Variants in LGR6 observed in about 807,000 individuals in gnomAD.
LGR6 encodes leucine rich repeat containing G protein-coupled receptor 6, also known as leucine-rich repeat-containing G protein-coupled receptor 6.
Under a neutral mutation model 69.4 loss-of-function variants are expected in LGR6, and 45 were observed. The observed-to-expected ratio is 0.65, with a 90% CI of 0.51 to 0.83. The LOEUF (loss-of-function observed/expected upper bound fraction) is 0.83. LGR6 is among the 40% of genes least tolerant of loss of function. The pLI, the probability that LGR6 is intolerant of heterozygous loss-of-function variation, is 0.00. For missense variants in LGR6, 1,108 were observed against 1,246.7 expected (o/e 0.89, Z 1.68); for synonymous variants, 538 against 555.0 (o/e 0.97, Z 0.43).
At chr1:202,273,481 G>A (rs991620837) in intron 4 of LGR6, among the ~76,000 whole-genome samples, 1 of 151,052 alleles carries the variant, frequency 6.6e-6, no homozygotes, top group Non-Finnish European at 1.5e-5. Flanking sequence ...TTTTGAGATG[G>A]AGTTTCGCTC....
intron 4 of LGR6, among the ~76,000 whole-genome samples, chr1:202,246,641 C>T (rs570095362): frequency 1.1e-3 from 160 of 152,002 alleles, no homozygotes; most frequent in South Asian, 1.9e-3. Context: ...ATACATTCTC[C>T]CATTCTGTGC....
At chr1:202,259,424 C>G (rs1202165009) in intron 4 of LGR6, among the ~76,000 whole-genome samples, 3 of 152,160 alleles carry the variant, frequency 2.0e-5, no homozygotes, top group Non-Finnish European at 4.4e-5. Context: ...TCTTTGATAA[C>G]ATTTCTAATT....
chr1:202,282,143 G>T (rs1030102565), intron 6 of LGR6, among the ~76,000 whole-genome samples: 1 of 152,200 alleles, frequency 6.6e-6, no homozygotes, highest in African/African-American at 2.4e-5. Context: ...TGAGGTGTGG[G>T]GGACATGCCC....
intron 1 of LGR6, among the ~76,000 whole-genome samples, chr1:202,208,661 G>A (rs898119411): frequency 3.3e-5 from 5 of 152,078 alleles, no homozygotes; most frequent in African/African-American, 9.6e-5. Flanking sequence ...GCCAGCCCTC[G>A]CCTCGTTGCC....
chr1:202,281,916 C>G (rs1260836790), intron 6 of LGR6, among the ~76,000 whole-genome samples: 1 of 152,222 alleles, frequency 6.6e-6, no homozygotes, highest in South Asian at 2.1e-4. Flanking sequence ...CTGGGGAAAA[C>G]CATTTGGGAA....
In LGR6 at chr1:202,193,914, G is replaced by A. The variant is rs1305169598; in HGVS notation, c.-76G>A. 4.1e-6 allele frequency: 4 copies of A among 977,790 alleles called. No homozygotes were observed. Among genetic ancestry groups the A allele is most frequent in the Non-Finnish European group, 5.3e-6 (4 of 753,086 alleles). 60.6% of individuals were successfully genotyped at this position (977,790 alleles called of 1,614,324 possible). On this transcript the variant is annotated 5_prime_UTR_variant, in exon 1 of 18. Transcript: ENST00000367278. ...ACCGACGGTGCAGCCCGCCGGGACC[G>A]GGAGGAAGCAGCTGCGGCCATCGCG...
chr1:202,225,806 A>G (rs1660503749), intron 2 of LGR6, among the ~76,000 whole-genome samples: 1 of 152,014 alleles, frequency 6.6e-6, no homozygotes, highest in Non-Finnish European at 1.5e-5. Flanking sequence ...TCCAGCCACC[A>G]GCCCCTCCCC....
chr1:202,307,004 A>G, intron 13 of LGR6, 65 bp downstream of exon 13: 2 of 1,351,890 alleles, frequency 1.5e-6, no homozygotes, highest in African/African-American at 1.4e-5. Context: ...AGGCATGCTC[A>G]TTGTCATAGC....
chr1:202,278,202 G>T (rs1323989843), intron 5 of LGR6, among the ~76,000 whole-genome samples: 1 of 152,176 alleles, frequency 6.6e-6, no homozygotes, highest in Non-Finnish European at 1.5e-5. Context: ...TCAGTTCAGA[G>T]GTTCTTGGTA....
intron 11 of LGR6, 152 bp downstream of exon 11, chr1:202,304,782 C>G (rs1476931467): frequency 3.3e-5 from 17 of 519,092 alleles, no homozygotes; most frequent in Non-Finnish European, 5.2e-5. Flanking sequence ...CCCAGAAGGA[C>G]CGGGTTTGAG....
chr1:202,250,657 G>A (rs187955318), intron 4 of LGR6, among the ~76,000 whole-genome samples: 23 of 152,112 alleles, frequency 1.5e-4, no homozygotes, highest in Non-Finnish European at 2.4e-4. Context: ...TGCCCACCTC[G>A]CCTCCTACAG....
chr1:202,225,720 A>G (rs1235245888), intron 2 of LGR6, among the ~76,000 whole-genome samples: 1 of 151,914 alleles, frequency 6.6e-6, no homozygotes, highest in African/African-American at 2.4e-5. Flanking sequence ...TTCCTCTTTG[A>G]AACCAGCTCC....
rs115334367 is a variant in LGR6 at position 202,208,531 on chromosome 1, A to G, written c.212+14330A>G. Among the ~76,000 whole-genome samples, 1,192 of 152,112 alleles carry G rather than the reference A, an allele frequency of 7.8e-3. 17 individuals are homozygous for G. Among genetic ancestry groups the G allele is most frequent in the African/African-American group, 0.027 (1,136 of 41,456 alleles). ...GAGACTTGAGATCCCAGGGGCCGGG[A>G]TAGGACATGGCCATCATCAGCACCT... On this transcript the variant is annotated intron_variant, in intron 1 of 17. Transcript: ENST00000367278.
chr1:202,309,641 C>T (rs705765), intron 15 of LGR6, among the ~76,000 whole-genome samples: 68,022 of 152,214 alleles, frequency 0.45, 17,096 homozygotes, highest in East Asian at 0.7. Flanking sequence ...GTGGTGCAGC[C>T]TGCATGGCCC....
intron 10 of LGR6, 133 bp downstream of exon 10, chr1:202,303,480 C>G: frequency 1.4e-6 from 1 of 691,182 alleles, no homozygotes; most frequent in East Asian, 2.7e-5. Context: ...ACTACTGGCT[C>G]CATCCCCTTC....
intron 1 of LGR6, among the ~76,000 whole-genome samples, chr1:202,209,889 A>T (rs1480355690): frequency 6.6e-6 from 1 of 152,064 alleles, no homozygotes; most frequent in Non-Finnish European, 1.5e-5. Context: ...CTGGACAGCC[A>T]CTCTCTACTC....
At chr1:202,209,888 C>T (rs1174586692) in intron 1 of LGR6, among the ~76,000 whole-genome samples, 1 of 152,214 alleles carries the variant, frequency 6.6e-6, no homozygotes, top group Non-Finnish European at 1.5e-5. Flanking sequence ...GCTGGACAGC[C>T]ACTCTCTACT....
chr1:202,209,835 C>T (rs552320205), intron 1 of LGR6, among the ~76,000 whole-genome samples: 7 of 152,252 alleles, frequency 4.6e-5, no homozygotes, highest in Non-Finnish European at 7.4e-5. Context: ...CCAAGCACTG[C>T]CTCAAGCTTA....
chr1:202,221,659 C>T (rs186089179), intron 1 of LGR6, among the ~76,000 whole-genome samples: 2 of 152,264 alleles, frequency 1.3e-5, no homozygotes, highest in Non-Finnish European at 2.9e-5. Flanking sequence ...TACAGATAAA[C>T]ACATGTGCCC....
Sources: allele counts gnomAD v4.1 joint callset (sites outside exome capture counted in the v4.1 genomes callset), GRCh38; gene constraint gnomAD v4.1.1; transcripts MANE v1.5; gene names NCBI Gene and HGNC (gene_info 2026-07-23, HGNC 2026-07-21).